The following FRMD3 variants were observed in gnomAD, a reference collection of about 807,000 sequenced individuals.
FRMD3 encodes FERM domain containing 3.
FRMD3 carries 33 observed loss-of-function variants against 70.2 expected under a neutral mutation model. That is an observed-to-expected ratio of 0.47 (90% confidence interval 0.36 to 0.63). The LOEUF is 0.63. Among genes scored for constraint, FRMD3 ranks in the 20% least tolerant of loss-of-function variants. The pLI is 0.00. For missense variants in FRMD3, 632 were observed against 711.4 expected (o/e 0.89, Z 1.27); for synonymous variants, 279 against 255.9 (o/e 1.09, Z -0.86).
At chr9:83,295,417 T>C (rs1457969986) in intron 12 of FRMD3, among the ~76,000 whole-genome samples, 1 of 152,190 alleles carries the variant, frequency 6.6e-6, no homozygotes, top group Non-Finnish European at 1.5e-5. Context: ...CCTGGAGGGA[T>C]TTTAATGTGA....
At chr9:83,325,058 C>G (rs1275962015) in intron 6 of FRMD3, among the ~76,000 whole-genome samples, 2 of 152,172 alleles carry the variant, frequency 1.3e-5, no homozygotes, top group Admixed American at 6.5e-5. Flanking sequence ...ATTAATAACA[C>G]AGAAACAAAG....
chr9:83,512,244 CA>C (rs1269336705), intron 1 of FRMD3, among the ~76,000 whole-genome samples: 3 of 152,108 alleles, frequency 2.0e-5, no homozygotes, highest in African/African-American at 4.8e-5. Context: ...TTCAGCTAAC[CA>C]ATATTTTTAT....
Position 83,248,268 on chromosome 9 carries a change from A to C in FRMD3, c.1444T>G (p.Ser482Ala), listed in dbSNP as rs1285502875. Residue 482 changes from serine (S) to alanine (A), a missense_variant, in exon 14 of 14, where the codon TCA (serine) becomes GCA (alanine). By Grantham distance (99) the Ser-to-Ala change is moderately conservative. Transcript: ENST00000304195. ...RLELEREDTD[S>A]FEDLEADENA... is the part of the protein sequence containing the mutation. Reference sequence around the variant, plus strand: ...TCATCTGCTTCCAGATCCTCAAATGAATCTGTGTCTTCTCTTTCCAACTCA... The same window carrying C: ...TCATCTGCTTCCAGATCCTCAAATGCATCTGTGTCTTCTCTTTCCAACTCA... The C allele has an allele frequency of 6.2e-7, 1 of 1,614,054 alleles. No homozygotes were observed. Among genetic ancestry groups the C allele is most frequent in the African/African-American group, 1.3e-5 (1 of 74,922 alleles).
At chr9:83,302,781 T>C (rs1047447461) in intron 10 of FRMD3, among the ~76,000 whole-genome samples, 1 of 152,094 alleles carries the variant, frequency 6.6e-6, no homozygotes, top group African/African-American at 2.4e-5. Context: ...TTTACCAGAC[T>C]CTCCCATCAA....
chr9:83,572,815 T>G, the FRMD3 span, among the ~76,000 whole-genome samples: 6 of 152,206 alleles, frequency 3.9e-5, no homozygotes, highest in Non-Finnish European at 8.8e-5. Context: ...AGATTTGGCT[T>G]GTTGACTATA....
At chr9:83,479,543 T>C (rs62560307) in intron 1 of FRMD3, among the ~76,000 whole-genome samples, 59,917 of 141,128 alleles carry the variant, frequency 0.42, 12,876 homozygotes, top group Middle Eastern at 0.47. Context: ...CAGGAGGATC[T>C]TTCAGCCTGG....
chr9:83,244,672 T>C lies in FRMD3; in HGVS notation c.*3246A>G, dbSNP rs1832003645. 1 of 985,094 alleles carries C rather than the reference T, an allele frequency of 1.0e-6. No homozygotes were observed. The highest frequency in any genetic ancestry group is 6.2e-5 in the Admixed American group (1 of 16,258). 61.0% of individuals were successfully genotyped at this position (985,094 alleles called of 1,614,324 possible). A position where few individuals can be genotyped will look rare whatever the true frequency, so the allele number is the denominator to read the frequency against. The stretch of plus-strand genomic sequence containing the variant: ...GGATTCCTGCCACCATATTAACATA[T>C]AAAACAATCTGGATGTTGACATAGA... On this transcript the variant is annotated 3_prime_UTR_variant, in exon 14 of 14. Transcript: ENST00000304195.
chr9:83,436,644 A>T (rs956016461), intron 1 of FRMD3, among the ~76,000 whole-genome samples: 1 of 152,150 alleles, frequency 6.6e-6, no homozygotes, highest in East Asian at 1.9e-4. Context: ...ACTTCACTGG[A>T]TTCATTTAAC....
At chr9:83,562,358 G>A in the FRMD3 span, among the ~76,000 whole-genome samples, 1 of 152,210 alleles carries the variant, frequency 6.6e-6, no homozygotes, top group East Asian at 1.9e-4. Flanking sequence ...GGAGATGCGA[G>A]AAGCTGACTA....
At chr9:83,283,465 A>C (rs111564950) in intron 13 of FRMD3, among the ~76,000 whole-genome samples, 41 of 151,420 alleles carry the variant, frequency 2.7e-4, no homozygotes, top group African/African-American at 9.2e-4. Flanking sequence ...CAGGAGGTGG[A>C]GCTTGCAGTG....
At chr9:83,252,783 A>T (rs928378787) in intron 13 of FRMD3, among the ~76,000 whole-genome samples, 1 of 152,238 alleles carries the variant, frequency 6.6e-6, no homozygotes, top group Non-Finnish European at 1.5e-5. Flanking sequence ...AGGTCATTAC[A>T]TAATGATAGA....
chr9:83,423,431 G>A (rs1826700315), intron 1 of FRMD3, among the ~76,000 whole-genome samples: 1 of 151,984 alleles, frequency 6.6e-6, no homozygotes, highest in African/African-American at 2.4e-5. Context: ...CTCCAGGCAG[G>A]GATGGGGCAC....
chr9:83,251,127 T>G (rs963084917), intron 13 of FRMD3, among the ~76,000 whole-genome samples: 1 of 152,142 alleles, frequency 6.6e-6, no homozygotes, highest in African/African-American at 2.4e-5. Context: ...AACAAGTCAG[T>G]ACACCCCTGG....
Position 83,343,216 on chromosome 9 carries a change from G to A in FRMD3, c.446C>T (p.Ala149Val), listed in dbSNP as rs1823833438. The A allele has an allele frequency of 6.2e-7, 1 of 1,613,758 alleles. No individual in the cohort carries two copies. The highest frequency in any genetic ancestry group is 1.7e-5 in the Admixed American group (1 of 60,018). The change falls in exon 5 of 14, where the codon GCC becomes GTC. Residue 149 changes from alanine to valine, a missense_variant. By Grantham distance (64) the Ala-to-Val change is moderately conservative. Around this residue, in one of 3 missense-constraint regions of FRMD3, gnomAD observed 208 missense variants for 247.7 expected, o/e 0.84. Transcript: ENST00000304195. ...GRLLCSFSDA[A>V]YLGACIVQAE... ...TTGAACAATACAGGCACCCAGGTAG[G>A]CAGCATCAGAAAAGGAGCACAGCAG...
At chr9:83,351,434 A>C (rs920983397) in intron 3 of FRMD3, among the ~76,000 whole-genome samples, 1 of 151,596 alleles carries the variant, frequency 6.6e-6, no homozygotes, top group African/African-American at 2.4e-5. Context: ...TCCTAACCTG[A>C]TCCTATGTTC....
intron 10 of FRMD3, among the ~76,000 whole-genome samples, chr9:83,303,402 G>C (rs1409161973): frequency 6.6e-6 from 1 of 152,198 alleles, no homozygotes; most frequent in African/African-American, 2.4e-5. Context: ...TCTGATTTCA[G>C]TATTTAAAAA....
At chr9:83,274,328 T>C (rs368786193) in intron 13 of FRMD3, among the ~76,000 whole-genome samples, 2 of 152,136 alleles carry the variant, frequency 1.3e-5, no homozygotes. Flanking sequence ...CTATCCCTTA[T>C]TGAGCAGTCC....
rs576488147 is a variant in FRMD3 at position 83,326,866 on chromosome 9, T to A, written c.596+8650A>T. On this transcript the variant is annotated intron_variant, in intron 6 of 13. Coordinates refer to ENST00000304195, the MANE Select transcript of FRMD3 (RefSeq NM_174938.6). The stretch of plus-strand genomic sequence containing the variant: ...AGATAGGCTTTTCTAATATATTAGA[T>A]GAGGTCAAGTAATTGTGTATTTAGC... 9.2e-5 allele frequency among the ~76,000 whole-genome samples: 14 copies of A among 152,342 alleles called. No homozygotes were observed. In the East Asian group the frequency reaches 2.7e-3, roughly 29 times the overall value.
intron 1 of FRMD3, among the ~76,000 whole-genome samples, chr9:83,437,127 G>C (rs1274801044): frequency 6.6e-6 from 1 of 152,190 alleles, no homozygotes; most frequent in Non-Finnish European, 1.5e-5. Context: ...TCACATAAGG[G>C]TCACCTGATG....
Sources: allele counts gnomAD v4.1 joint callset (sites outside exome capture counted in the v4.1 genomes callset), GRCh38; gene constraint gnomAD v4.1.1; regional missense constraint gnomAD v4.1.1; transcripts MANE v1.5; gene names NCBI Gene and HGNC (gene_info 2026-07-23, HGNC 2026-07-21).